Variants in LRRC56 observed in about 807,000 individuals in gnomAD.
LRRC56 encodes leucine rich repeat containing 56.
A neutral mutation model predicts 47.8 loss-of-function variants in LRRC56; 41 were observed. The observed-to-expected ratio is 0.86, with a 90% CI of 0.67 to 1.11. The LOEUF (loss-of-function observed/expected upper bound fraction) is 1.11, where lower values mean the gene tolerates loss of function less well. Among genes scored for constraint, LRRC56 ranks in the 50% most tolerant of loss-of-function variants. The pLI is 0.00. For missense variants in LRRC56, 759 were observed against 704.2 expected (o/e 1.08, Z -0.88); for synonymous variants, 387 against 311.2 (o/e 1.24, Z -2.56).
chr11:520,800 G>A, the LRRC56 span, among the ~76,000 whole-genome samples: 1 of 152,084 alleles, frequency 6.6e-6, no homozygotes, highest in Admixed American at 6.6e-5. Context: ...CTGAGGCCGT[G>A]CTCACCCCTA....
chr11:515,585 C>G, the LRRC56 span, among the ~76,000 whole-genome samples: 1 of 152,204 alleles, frequency 6.6e-6, no homozygotes, highest in Admixed American at 6.5e-5. Flanking sequence ...CACCTGTAAT[C>G]CTGGCACTTT....
At chr11:526,665 G>A in the LRRC56 span, among the ~76,000 whole-genome samples, 4 of 152,208 alleles carry the variant, frequency 2.6e-5, no homozygotes, top group African/African-American at 9.6e-5. Flanking sequence ...GGCCGGGCAC[G>A]GTGGCTCATG....
chr11:533,961 C>T (rs1367688831), upstream of LRRC56: 1 of 1,607,660 alleles, frequency 6.2e-7, no homozygotes, highest in African/African-American at 1.3e-5. Flanking sequence ...GAGGACAGGG[C>T]TCAGGGACCC....
rs539227105 is a variant in LRRC56, at chr11:544,851, G to A, written c.326+71G>A. 1.8e-5 allele frequency: 26 copies of A among 1,428,736 alleles called. No homozygotes were observed. In the East Asian group the frequency reaches 4.2e-4, roughly 23 times the overall value. The allele number at this position is 1,428,736 out of a possible 1,614,324, so 88.5% of individuals were successfully genotyped here. A position where few individuals can be genotyped will look rare whatever the true frequency, so the allele number is the denominator to read the frequency against. ...CCGATGGGACAGGCCCTGCAGGGAT[G>A]GGGGGAGAACTTGGTGGGAGTGGGG... On this transcript the variant is annotated intron_variant, in intron 6 of 13. Coordinates refer to ENST00000270115, the MANE Select transcript of LRRC56 (RefSeq NM_198075.4).
At chr11:549,058 C>T (rs1340836506) in intron 6 of LRRC56, among the ~76,000 whole-genome samples, 9 of 152,080 alleles carry the variant, frequency 5.9e-5, no homozygotes, top group East Asian at 1.9e-4. Context: ...CGCGAAAGGA[C>T]GGACCACCGG....
At chr11:518,176 A>T in the LRRC56 span, among the ~76,000 whole-genome samples, 1 of 152,032 alleles carries the variant, frequency 6.6e-6, no homozygotes, top group Non-Finnish European at 1.5e-5. Context: ...ATAAAAAATA[A>T]TAATAATAAA....
rs368945957 is a variant in LRRC56, at chr11:541,242, G to A, written c.178-295G>A. 1.6e-4 allele frequency among the ~76,000 whole-genome samples: 24 copies of A among 152,256 alleles called. No homozygotes were observed. Among genetic ancestry groups the A allele is most frequent in the African/African-American group, 4.3e-4 (18 of 41,536 alleles). On this transcript the variant is annotated intron_variant, in intron 4 of 13. Transcript: ENST00000270115. This position sits in a 1 kb window ranked among gnomAD's most constrained non-coding sequence, Gnocchi z 4.1. ...CAAAGCTCAGGGCAGGGCCCGGCGC[G>A]GTCCGGGCTCTGGGTGCCGGGTGTG...
upstream of LRRC56, chr11:532,567 C>G: frequency 1.3e-6 from 2 of 1,571,320 alleles, no homozygotes; most frequent in Non-Finnish European, 1.7e-6. Context: ...GCCAGGAGAC[C>G]GGCAGGGGCG....
the LRRC56 span, among the ~76,000 whole-genome samples, chr11:510,216 AAC>A: frequency 6.6e-6 from 1 of 152,184 alleles, no homozygotes; most frequent in African/African-American, 2.4e-5. Context: ...ATCTAGAGAA[AAC>A]ACCGTGGTGC....
In LRRC56 at chr11:550,183, C is replaced by G. The variant is rs757772653; in HGVS notation, c.535C>G (p.Arg179Gly). The G allele has an allele frequency of 6.2e-7, 1 of 1,613,002 alleles. No individual in the cohort carries two copies. Among genetic ancestry groups the G allele is most frequent in the African/African-American group, 1.3e-5 (1 of 75,014 alleles). ...CAGCGTGGAGGACCTGGGGCAGGTGCGCTACTTGCAGCTGTGCCCACGCCT... is the reference window on the plus strand; with the variant it reads ...CAGCGTGGAGGACCTGGGGCAGGTGGGCTACTTGCAGCTGTGCCCACGCCT... ...GNSVEDLGQV[R>G]YLQLCPRLAM... Residue 179 changes from arginine to glycine, a missense_variant, in exon 8 of 14, where the codon CGC becomes GGC. Arg to Gly is a moderately radical substitution (Grantham distance 125, BLOSUM62 -2). Coordinates refer to ENST00000270115, the MANE Select transcript of LRRC56 (RefSeq NM_198075.4).
the LRRC56 span, among the ~76,000 whole-genome samples, chr11:514,236 C>T: frequency 2.0e-5 from 3 of 151,668 alleles, no homozygotes; most frequent in African/African-American, 4.8e-5. Context: ...TCAGGTGATC[C>T]GCCCACCTTG....
At position 554,266 on chromosome 11, in the gene LRRC56, T is replaced by G; in HGVS notation, c.1619T>G (p.Val540Gly). 1 of 1,492,026 alleles carries G rather than the reference T, an allele frequency of 6.7e-7. No individual in the cohort carries two copies. 92.4% of individuals were successfully genotyped at this position (1,492,026 alleles called of 1,614,324 possible). Residue 540 changes from valine to glycine, a missense_variant, in exon 14 of 14, where the codon GTC becomes GGC. Physicochemically the swap from Val to Gly is moderately radical, Grantham distance 109. Transcript: ENST00000270115. ...GCTGAACTCTCTCACCCCAGCCCCG[T>G]CCCCACTTAATATAGCCCCCACTGC... ...RAAELSHPSPVPT is the reference protein window; with the variant it reads ...RAAELSHPSPGPT
chr11:537,167 C>G (rs561438637), upstream of LRRC56: 3 of 152,270 alleles, frequency 2.0e-5, no homozygotes, highest in Non-Finnish European at 4.4e-5. Context: ...GCGCGAGCCT[C>G]CAGCAGAGAC....
intron 5 of LRRC56, among the ~76,000 whole-genome samples, chr11:542,580 C>CAAAAA (rs71022928): frequency 1.5e-4 from 4 of 25,994 alleles, no homozygotes; most frequent in African/African-American, 6.4e-4. Context: ...AACCCTGTCG[C>CAAAAA]AAAAAAAAAA....
chr11:553,248 A>G lies in LRRC56; in HGVS notation c.1315+546A>G, dbSNP rs116224283. 4.9e-3 allele frequency among the ~76,000 whole-genome samples: 740 copies of G among 152,358 alleles called. 5 individuals are homozygous for G. The highest frequency in any genetic ancestry group is 0.017 in the African/African-American group (722 of 41,584). ...TTCAGTGTGATCACAGCTGCAAAGC[A>G]GAGAGGACCCTCCCTCAGCGGGCAG... On this transcript the variant is annotated intron_variant, in intron 13 of 13. Coordinates refer to ENST00000270115, the MANE Select transcript of LRRC56 (RefSeq NM_198075.4).
At chr11:516,696 T>C in the LRRC56 span, among the ~76,000 whole-genome samples, 2 of 152,206 alleles carry the variant, frequency 1.3e-5, no homozygotes, top group African/African-American at 4.8e-5. Context: ...CCCAGCACTT[T>C]GGGAGGCTGA....
chr11:543,461 C>T (rs1397374171), intron 5 of LRRC56, among the ~76,000 whole-genome samples: 2 of 151,986 alleles, frequency 1.3e-5, no homozygotes, highest in African/African-American at 4.8e-5. Flanking sequence ...GTGATCCACC[C>T]GCCTCGGCCT....
At chr11:519,033 C>G in the LRRC56 span, among the ~76,000 whole-genome samples, 1 of 151,188 alleles carries the variant, frequency 6.6e-6, no homozygotes, top group Non-Finnish European at 1.5e-5. Flanking sequence ...CTCCGAAAGC[C>G]GCGAGGGCAG....
the LRRC56 span, among the ~76,000 whole-genome samples, chr11:530,432 C>G: frequency 6.6e-6 from 1 of 150,608 alleles, no homozygotes; most frequent in African/African-American, 2.4e-5. Context: ...TGTGGCATTC[C>G]CTGGACAGAA....
Sources: gnomAD v4.1 joint callset for allele counts (sites outside exome capture counted in the v4.1 genomes callset) on GRCh38, gnomAD v4.1.1 for gene constraint, Gnocchi (gnomAD v3.1) non-coding constraint, MANE v1.5 for transcripts, NCBI Gene and HGNC (gene_info 2026-07-23, HGNC 2026-07-21) for gene names.